GHR: variants seen among roughly 807,000 people sequenced by gnomAD.
The protein encoded by GHR is growth hormone receptor.
Under a neutral mutation model 67.1 loss-of-function variants are expected in GHR, and 35 were observed. The observed-to-expected ratio is 0.52, with a 90% CI of 0.40 to 0.69. GHR has a LOEUF of 0.69. GHR is among the 30% of genes least tolerant of loss of function. GHR has a pLI of 0.00. For synonymous variants in GHR, 272 were observed against 269.1 expected (o/e 1.01, Z -0.10); for missense variants, 792 against 764.6 (o/e 1.04, Z -0.42).
At chr5:42,478,607 G>A (rs1333939224) in intron 1 of GHR, among the ~76,000 whole-genome samples, 1 of 152,166 alleles carries the variant, frequency 6.6e-6, no homozygotes, top group East Asian at 1.9e-4. Flanking sequence ...CACATCCCTT[G>A]TAAGTTGGAT....
At chr5:42,549,986 TG>T in intron 1 of GHR, 1 of 280,544 alleles carries the variant, frequency 3.6e-6, no homozygotes, top group Non-Finnish European at 5.4e-6. Flanking sequence ...TCAGGGAGGG[TG>T]GGCAAGCGAC....
intron 2 of GHR, among the ~76,000 whole-genome samples, chr5:42,601,701 T>C (rs1752384819): frequency 6.6e-6 from 1 of 152,106 alleles, no homozygotes; most frequent in African/African-American, 2.4e-5. Flanking sequence ...TGATTTATTA[T>C]AATTTTATGT....
chr5:42,513,777 C>T (rs1298826062), intron 1 of GHR, among the ~76,000 whole-genome samples: 1 of 150,586 alleles, frequency 6.6e-6, no homozygotes, highest in Non-Finnish European at 1.5e-5. Context: ...AGCAAAACTC[C>T]GTCTCAAAAA....
At chr5:42,676,476 A>T (rs993061959) in intron 3 of GHR, among the ~76,000 whole-genome samples, 1 of 152,180 alleles carries the variant, frequency 6.6e-6, no homozygotes, top group Non-Finnish European at 1.5e-5. Context: ...AAAATATTTT[A>T]TTAAATTTTT....
rs1173746542 is a variant in GHR, at chr5:42,694,990, T to A, written c.340T>A (p.Phe114Ile). Reference sequence around the variant, plus strand: ...TTCTGCTGGGGAAAACAGCTGTTACTTTAATTCATCGTTTACCTCCATCTG... The same window carrying A: ...TTCTGCTGGGGAAAACAGCTGTTACATTAATTCATCGTTTACCTCCATCTG... ...YVSAGENSCY[F>I]NSSFTSIWIP... Residue 114 changes from phenylalanine (F) to isoleucine (I), a missense_variant, in exon 5 of 10, where the codon TTT (phenylalanine) becomes ATT (isoleucine). Phe to Ile is a conservative substitution (Grantham distance 21). Coordinates refer to ENST00000230882, the MANE Select transcript of GHR (RefSeq NM_000163.5). 1 of 1,611,064 alleles carries A rather than the reference T, an allele frequency of 6.2e-7. No individual in the cohort carries two copies. The highest frequency in any genetic ancestry group is 8.5e-7 in the Non-Finnish European group (1 of 1,177,358).
chr5:42,505,678 C>T (rs1285719797), intron 1 of GHR, among the ~76,000 whole-genome samples: 3 of 152,080 alleles, frequency 2.0e-5, no homozygotes, highest in Admixed American at 1.3e-4. Flanking sequence ...GCCTCAGCTT[C>T]CTGTTATGTA....
At position 42,553,041 on chromosome 5, in the gene GHR, A is replaced by G. The variant is rs1211994370; in HGVS notation, c.-11-12823A>G. ...ATATTGACATGCTTCAGTGGTGATT[A>G]TCTTCCTGATTAATGTTTACAGTCA... On this transcript the variant is annotated intron_variant, in intron 1 of 9. Coordinates refer to ENST00000230882, the MANE Select transcript of GHR (RefSeq NM_000163.5). 2.6e-5 allele frequency among the ~76,000 whole-genome samples: 4 copies of G among 152,230 alleles called. No individual in the cohort carries two copies. In the East Asian group the frequency reaches 7.7e-4, roughly 29 times the overall value.
intron 1 of GHR, among the ~76,000 whole-genome samples, chr5:42,429,907 G>T (rs1264292002): frequency 2.0e-5 from 3 of 152,164 alleles, no homozygotes; most frequent in Non-Finnish European, 4.4e-5. Context: ...GGCTTGTTCT[G>T]CCAAAGTCCC....
At chr5:42,667,699 G>A (rs111928921) in intron 3 of GHR, among the ~76,000 whole-genome samples, 16 of 152,298 alleles carry the variant, frequency 1.1e-4, no homozygotes, top group African/African-American at 2.9e-4. Context: ...GTTTTAATGC[G>A]CATACAGATA....
At chr5:42,468,534 C>G (rs1744843090) in intron 1 of GHR, 2 of 813,850 alleles carry the variant, frequency 2.5e-6, no homozygotes, top group Non-Finnish European at 4.0e-6. Flanking sequence ...CCTACTGGCA[C>G]GAGAACAATG....
At chr5:42,427,332 G>T (rs912239918) in intron 1 of GHR, among the ~76,000 whole-genome samples, 2 of 152,200 alleles carry the variant, frequency 1.3e-5, no homozygotes, top group African/African-American at 4.8e-5. Context: ...TGAAGGAGGA[G>T]CAAAGGCATG....
intron 1 of GHR, among the ~76,000 whole-genome samples, chr5:42,429,487 A>G (rs1742995479): frequency 6.6e-6 from 1 of 152,234 alleles, no homozygotes; most frequent in Non-Finnish European, 1.5e-5. Context: ...TATATCTATT[A>G]AGACAGTTTA....
At chr5:42,474,112 C>G (rs1005957456) in intron 1 of GHR, among the ~76,000 whole-genome samples, 13 of 150,968 alleles carry the variant, frequency 8.6e-5, no homozygotes, top group African/African-American at 3.2e-4. Flanking sequence ...TCGCTTGAAC[C>G]GAGGAGGCAG....
intron 1 of GHR, among the ~76,000 whole-genome samples, chr5:42,505,507 G>T (rs1186182334): frequency 6.6e-6 from 1 of 151,906 alleles, no homozygotes; most frequent in Non-Finnish European, 1.5e-5. Context: ...ACATTTGTTA[G>T]AAAGATAAGA....
chr5:42,473,296 T>A (rs1745089693), intron 1 of GHR, among the ~76,000 whole-genome samples: 1 of 152,168 alleles, frequency 6.6e-6, no homozygotes, highest in South Asian at 2.1e-4. Flanking sequence ...AACGGCGCGA[T>A]CTCGGGTCCC....
intron 1 of GHR, among the ~76,000 whole-genome samples, chr5:42,529,492 A>G (rs1046717895): frequency 1.3e-5 from 2 of 152,212 alleles, no homozygotes; most frequent in Non-Finnish European, 2.9e-5. Flanking sequence ...CCTCATTATT[A>G]TATGACTGAT....
chr5:42,438,397 A>G (rs1743426195), intron 1 of GHR, among the ~76,000 whole-genome samples: 1 of 152,170 alleles, frequency 6.6e-6, no homozygotes, highest in Non-Finnish European at 1.5e-5. Context: ...CAAGAAGTGG[A>G]ATTTAATTCC....
chr5:42,670,209 A>G (rs1756203895), intron 3 of GHR, among the ~76,000 whole-genome samples: 1 of 152,242 alleles, frequency 6.6e-6, no homozygotes, highest in South Asian at 2.1e-4. Flanking sequence ...GAGCCCAGAA[A>G]TAAACCCACA....
chr5:42,464,809 T>G (rs947069572), intron 1 of GHR, among the ~76,000 whole-genome samples: 9 of 152,200 alleles, frequency 5.9e-5, no homozygotes, highest in Non-Finnish European at 8.8e-5. Context: ...TCTATCATTA[T>G]GAGTATCTTC....
Sources: allele counts gnomAD v4.1 joint callset (sites outside exome capture counted in the v4.1 genomes callset), GRCh38; gene constraint gnomAD v4.1.1; transcripts MANE v1.5; gene names NCBI Gene and HGNC (gene_info 2026-07-23, HGNC 2026-07-21).